Variants in JAKMIP2 observed in about 807,000 individuals in gnomAD.
JAKMIP2 encodes the protein janus kinase and microtubule-interacting protein 2.
JAKMIP2 carries 25 observed loss-of-function variants against 115.0 expected under a neutral mutation model. The observed-to-expected ratio is 0.22, with a 90% CI of 0.16 to 0.30. The LOEUF is 0.30. Among genes scored for constraint, JAKMIP2 ranks in the 10% least tolerant of loss-of-function variants. The pLI is 1.00. For synonymous variants in JAKMIP2, 334 were observed against 343.6 expected (o/e 0.97, Z 0.31); for missense variants, 642 against 957.6 (o/e 0.67, Z 4.35).
At chr5:147,756,717 T>C (rs1033523069) in intron 1 of JAKMIP2, among the ~76,000 whole-genome samples, 10 of 152,096 alleles carry the variant, frequency 6.6e-5, no homozygotes, top group Non-Finnish European at 1.0e-4. Flanking sequence ...ACATTTATCC[T>C]CCTACAGGGC....
rs561587605 is a variant in JAKMIP2 at position 147,695,549 on chromosome 5, A to T, written c.-148-23595T>A. 9.2e-5 allele frequency among the ~76,000 whole-genome samples: 14 copies of T among 152,292 alleles called. No individual in the cohort carries two copies. The South Asian group carries it at 2.9e-3, about 32-fold the overall frequency. ...CAATAGTAGCATCCCTAGCATGGGCATCAGGCCCAGATATTTATTATATGT... is the reference window on the plus strand; with the variant it reads ...CAATAGTAGCATCCCTAGCATGGGCTTCAGGCCCAGATATTTATTATATGT... On this transcript the variant is annotated intron_variant, in intron 1 of 21. Coordinates refer to ENST00000616793, the MANE Select transcript of JAKMIP2 (RefSeq NM_001270941.2).
chr5:147,597,088 G>A (rs1486102811), intron 21 of JAKMIP2, among the ~76,000 whole-genome samples: 9 of 149,644 alleles, frequency 6.0e-5, no homozygotes, highest in African/African-American at 2.0e-4. Context: ...TCATCATGTT[G>A]GCCAGGCTGG....
chr5:147,694,918 AC>A (rs1440780192), intron 1 of JAKMIP2, among the ~76,000 whole-genome samples: 1 of 152,194 alleles, frequency 6.6e-6, no homozygotes, highest in Non-Finnish European at 1.5e-5. Flanking sequence ...TCAAATTGTG[AC>A]AAATTTTGTG....
At chr5:147,638,066 A>G (rs1655635109) in intron 10 of JAKMIP2, among the ~76,000 whole-genome samples, 2 of 152,178 alleles carry the variant, frequency 1.3e-5, no homozygotes, top group South Asian at 4.1e-4. Context: ...TAATTTTGCT[A>G]AGATTTATTT....
At chr5:147,648,334 T>A (rs1758232068) in intron 5 of JAKMIP2, 42 bp downstream of exon 5, 1 of 985,290 alleles carries the variant, frequency 1.0e-6, no homozygotes, top group East Asian at 2.4e-5. Flanking sequence ...TGTAACATAA[T>A]GCTTAACAAC....
Position 147,764,920 on chromosome 5 carries a change from AAGAGAGAG to A in JAKMIP2, c.-149+17528_-149+17535del, listed in dbSNP as rs531656100. 7.6e-5 allele frequency among the ~76,000 whole-genome samples: 3 copies of A among 39,492 alleles called. 1 individual carries two copies. The highest frequency in any genetic ancestry group is 1.9e-3 in the South Asian group (2 of 1,046). The allele number at this position is 39,492 out of a possible 152,430, so 25.9% of individuals were successfully genotyped here. On this transcript the variant is annotated intron_variant, in intron 1 of 21. Coordinates refer to ENST00000616793, the MANE Select transcript of JAKMIP2 (RefSeq NM_001270941.2). The stretch of plus-strand genomic sequence containing the variant: ...AAAGAAAGAAAGAAAGAAAGAAAGA[AAGAGAGAG>A]AGAGAGAGAGAGAGAGAGGGAGAGA...
rs1418126371 is a variant in JAKMIP2, at chr5:147,719,218, T to G, written c.-148-47264A>C. Among the ~76,000 whole-genome samples the G allele has an allele frequency of 1.7e-4, 22 of 130,670 alleles. 1 individual carries two copies. The highest frequency in any genetic ancestry group is 3.6e-3 in the Middle Eastern group (1 of 276). 85.7% of individuals were successfully genotyped at this position (130,670 alleles called of 152,430 possible). A position where few individuals can be genotyped will look rare whatever the true frequency, so the allele number is the denominator to read the frequency against. ...TTGCACTGTGGTCTGAGATATAGTT[T>G]GTTATAATTTGTGTTCTTTTACATT... On this transcript the variant is annotated intron_variant, in intron 1 of 21. Transcript: ENST00000616793.
intron 1 of JAKMIP2, among the ~76,000 whole-genome samples, chr5:147,739,836 ACTGT>A (rs1408555245): frequency 2.0e-5 from 3 of 152,038 alleles, no homozygotes; most frequent in African/African-American, 7.2e-5. Context: ...CTGAAGTTAG[ACTGT>A]CTGTGATTTA....
intron 20 of JAKMIP2, among the ~76,000 whole-genome samples, chr5:147,610,806 G>A (rs1407528208): frequency 1.3e-5 from 2 of 152,352 alleles, no homozygotes; most frequent in East Asian, 3.9e-4. Context: ...CCTAGGTGCT[G>A]TGTCCCAGGA....
At chr5:147,781,664 A>G (rs1260875310) in intron 1 of JAKMIP2, among the ~76,000 whole-genome samples, 1 of 152,244 alleles carries the variant, frequency 6.6e-6, no homozygotes, top group Non-Finnish European at 1.5e-5. Context: ...GACAATAACC[A>G]GAGTAAATTT....
chr5:147,642,287 G>T (rs928570474), intron 7 of JAKMIP2, among the ~76,000 whole-genome samples: 2 of 152,076 alleles, frequency 1.3e-5, no homozygotes, highest in Non-Finnish European at 2.9e-5. Context: ...GAGCCATTTA[G>T]TGTTTCTGTT....
rs773976278 is a variant in JAKMIP2, at chr5:147,623,656, G to A, written c.2029C>T (p.Leu677=). Reference sequence around the variant, plus strand: ...TCCAATTCCATCATTTTCTGGTGTAGGGCAGCCTCAGCTCCTTCAATCTGC... The same window carrying A: ...TCCAATTCCATCATTTTCTGGTGTAAGGCAGCCTCAGCTCCTTCAATCTGC... ...IQQIEGAEAA[L]HQKMMELESD... Residue 677 remains leucine (L), a synonymous_variant, in exon 17 of 22, where the codon CTA becomes TTA. Transcript: ENST00000616793. 1 of 1,611,856 alleles carries A rather than the reference G, an allele frequency of 6.2e-7. No individual in the cohort carries two copies. The highest frequency in any genetic ancestry group is 8.5e-7 in the Non-Finnish European group (1 of 1,178,046).
At chr5:147,658,030 T>C (rs1758766359) in intron 3 of JAKMIP2, among the ~76,000 whole-genome samples, 1 of 152,052 alleles carries the variant, frequency 6.6e-6, no homozygotes, top group African/African-American at 2.4e-5. Context: ...TCATCCTCCA[T>C]CCAGTTCTGT....
At chr5:147,721,349 A>G (rs1294872827) in intron 1 of JAKMIP2, among the ~76,000 whole-genome samples, 118 of 152,130 alleles carry the variant, frequency 7.8e-4, no homozygotes, top group East Asian at 1.6e-3. Context: ...GAGGCAGGCA[A>G]GCCTCCTTGA....
intron 1 of JAKMIP2, among the ~76,000 whole-genome samples, chr5:147,769,123 C>T (rs931689002): frequency 5.3e-5 from 8 of 152,094 alleles, no homozygotes; most frequent in African/African-American, 1.9e-4. Flanking sequence ...ATGATCAGAA[C>T]TCCGCCTGGC....
intron 1 of JAKMIP2, among the ~76,000 whole-genome samples, chr5:147,673,582 T>G (rs1759757646): frequency 6.6e-6 from 1 of 152,094 alleles, no homozygotes; most frequent in Admixed American, 6.6e-5. Flanking sequence ...CATAGAACTG[T>G]CCACCACATT....
At position 147,639,655 on chromosome 5, in the gene JAKMIP2, T is replaced by A; in HGVS notation, c.1507A>T (p.Ile503Phe). 1 of 1,613,558 alleles carries A rather than the reference T, an allele frequency of 6.2e-7. No homozygotes were observed. ...ACCTTGGCTTCTCGTTCAGCGTCGATGATGCCTCCCGTCTGCTCCTGTAGG... is the reference window on the plus strand; with the variant it reads ...ACCTTGGCTTCTCGTTCAGCGTCGAAGATGCCTCCCGTCTGCTCCTGTAGG... ...ALLQEQTGGIIDAEREAKAQE... is the reference protein window; with the variant it reads ...ALLQEQTGGIFDAEREAKAQE... Residue 503 changes from isoleucine to phenylalanine, a missense_variant, in exon 10 of 22, where the codon ATC becomes TTC. Transcript: ENST00000616793.
chr5:147,738,926 A>G (rs936603951), intron 1 of JAKMIP2, among the ~76,000 whole-genome samples: 2 of 152,188 alleles, frequency 1.3e-5, no homozygotes, highest in Non-Finnish European at 2.9e-5. Flanking sequence ...ATGTTTTGAG[A>G]ATCAGTTTCA....
At chr5:147,686,272 A>T (rs1760564913) in intron 1 of JAKMIP2, among the ~76,000 whole-genome samples, 1 of 152,166 alleles carries the variant, frequency 6.6e-6, no homozygotes, top group South Asian at 2.1e-4. Context: ...CTTTTCATGA[A>T]GGGACTGTGC....
Sources: allele counts gnomAD v4.1 joint callset (sites outside exome capture counted in the v4.1 genomes callset), GRCh38; gene constraint gnomAD v4.1.1; transcripts MANE v1.5; gene names NCBI Gene and HGNC (gene_info 2026-07-23, HGNC 2026-07-21).